The following ERBB4 variants were observed in gnomAD, a reference collection of about 807,000 sequenced individuals.
ERBB4 encodes erb-b2 receptor tyrosine kinase 4.
A neutral mutation model predicts 158.0 loss-of-function variants in ERBB4; 42 were observed. The observed-to-expected ratio is 0.27, with a 90% CI of 0.21 to 0.34. The LOEUF is 0.34. Ranked by LOEUF, ERBB4 falls within the 10% of genes least tolerant of loss-of-function variation. The pLI is 1.00. For missense variants in ERBB4, 1,333 were observed against 1,624.1 expected (o/e 0.82, Z 3.08); for synonymous variants, 583 against 558.7 (o/e 1.04, Z -0.61).
intron 1 of ERBB4, among the ~76,000 whole-genome samples, chr2:212,173,390 G>C (rs2081575834): frequency 6.6e-6 from 1 of 152,218 alleles, no homozygotes; most frequent in African/African-American, 2.4e-5. Flanking sequence ...CCAGGCTGAG[G>C]GAGTAGCAAA....
chr2:212,329,030 G>A (rs1477325911), intron 1 of ERBB4, among the ~76,000 whole-genome samples: 1 of 151,928 alleles, frequency 6.6e-6, no homozygotes, highest in Non-Finnish European at 1.5e-5. Context: ...CCATTTTAGT[G>A]AACATTTTGG....
chr2:212,530,610 A>G (rs1692700691), intron 1 of ERBB4, among the ~76,000 whole-genome samples: 1 of 152,186 alleles, frequency 6.6e-6, no homozygotes, highest in Non-Finnish European at 1.5e-5. Context: ...ATAGTCACAG[A>G]GCCTGGAGAA....
At chr2:211,428,219 A>C (rs1028822775) in intron 22 of ERBB4, among the ~76,000 whole-genome samples, 189 bp downstream of exon 22, 7 of 143,454 alleles carry the variant, frequency 4.9e-5, no homozygotes, top group African/African-American at 1.8e-4. Flanking sequence ...ACTTAAAATA[A>C]AATAAAATAA....
chr2:212,443,479 C>A (rs1048746050), intron 1 of ERBB4, among the ~76,000 whole-genome samples: 3 of 152,200 alleles, frequency 2.0e-5, no homozygotes, highest in Non-Finnish European at 4.4e-5. Flanking sequence ...AGTTGCTGCA[C>A]TTGGCCCCTC....
chr2:211,553,191 A>T (rs1373613134), intron 20 of ERBB4, among the ~76,000 whole-genome samples: 1 of 152,042 alleles, frequency 6.6e-6, no homozygotes, highest in Non-Finnish European at 1.5e-5. Context: ...CTGGTCTCGA[A>T]CTTCCGACCT....
chr2:211,482,628 G>A (rs562309009), intron 20 of ERBB4, among the ~76,000 whole-genome samples: 84 of 152,166 alleles, frequency 5.5e-4, no homozygotes, highest in African/African-American at 1.9e-3. Context: ...TAATCAGGCC[G>A]GGTGCAGTGG....
rs147458036 is a variant in ERBB4, at chr2:212,327,838, T to C, written c.83-202935A>G. Among the ~76,000 whole-genome samples, 477 of 137,066 alleles carry C rather than the reference T, an allele frequency of 3.5e-3. 6 individuals are homozygous for C. Among genetic ancestry groups the C allele is most frequent in the African/African-American group, 0.012 (445 of 37,164 alleles). 89.9% of individuals were successfully genotyped at this position (137,066 alleles called of 152,430 possible). On this transcript the variant is annotated intron_variant, in intron 1 of 27. Coordinates refer to ENST00000342788, the MANE Select transcript of ERBB4 (RefSeq NM_005235.3). ...TTGTACACTTAAAAAGCATAGATTT[T>C]ATATGTAAAGTATTCCTCCAAAAAG...
intron 3 of ERBB4, among the ~76,000 whole-genome samples, chr2:211,844,763 C>T (rs188969934): frequency 3.4e-4 from 51 of 152,092 alleles, no homozygotes; most frequent in Non-Finnish European, 8.8e-5. Context: ...CTTCAATATT[C>T]CAGAGTGACA....
At chr2:211,428,361 T>C (rs761925547) in intron 22 of ERBB4, 47 bp downstream of exon 22, 22 of 993,254 alleles carry the variant, frequency 2.2e-5, no homozygotes, top group South Asian at 3.8e-5. Flanking sequence ...ACTTAACATA[T>C]GTATTTTTGC....
At chr2:211,980,953 G>C (rs1246759130) in intron 2 of ERBB4, among the ~76,000 whole-genome samples, 2 of 152,018 alleles carry the variant, frequency 1.3e-5, no homozygotes, top group African/African-American at 2.4e-5. Context: ...TGAAAGAACA[G>C]CAGGGAGCAG....
At chr2:212,493,292 A>T (rs1343791270) in intron 1 of ERBB4, among the ~76,000 whole-genome samples, 2 of 151,512 alleles carry the variant, frequency 1.3e-5, no homozygotes, top group African/African-American at 4.8e-5. Context: ...ACTAATTAAA[A>T]ATCATCTTAT....
At chr2:211,786,178 G>C (rs1434360511) in intron 4 of ERBB4, among the ~76,000 whole-genome samples, 1 of 152,144 alleles carries the variant, frequency 6.6e-6, no homozygotes, top group African/African-American at 2.4e-5. Flanking sequence ...ACTTGGTTGA[G>C]TGATTGGTTG....
At chr2:212,527,072 A>G (rs2106330936) in intron 1 of ERBB4, among the ~76,000 whole-genome samples, 1 of 152,154 alleles carries the variant, frequency 6.6e-6, no homozygotes, top group South Asian at 2.1e-4. Flanking sequence ...TAAGACCTTA[A>G]TAATATAGCT....
chr2:212,054,569 T>A (rs565539811), intron 2 of ERBB4, among the ~76,000 whole-genome samples: 1 of 152,318 alleles, frequency 6.6e-6, no homozygotes, highest in South Asian at 2.1e-4. Context: ...ATGTGGTTTC[T>A]TCTAGCAGGT....
chr2:211,788,369 A>C (rs1559520106), intron 3 of ERBB4, among the ~76,000 whole-genome samples: 1 of 152,134 alleles, frequency 6.6e-6, no homozygotes, highest in Non-Finnish European at 1.5e-5. Context: ...AGTGAAAAAC[A>C]ACCACTCATA....
chr2:211,936,258 A>G (rs2080319033), intron 3 of ERBB4, among the ~76,000 whole-genome samples: 1 of 152,052 alleles, frequency 6.6e-6, no homozygotes, highest in African/African-American at 2.4e-5. Context: ...TAAAACTTGA[A>G]GTCCTTCTAT....
chr2:212,141,862 A>C (rs2125606939), intron 1 of ERBB4, among the ~76,000 whole-genome samples: 1 of 152,280 alleles, frequency 6.6e-6, no homozygotes. Context: ...CAGATATAAA[A>C]CAATTTTACA....
chr2:212,439,098 AAC>A (rs1218066266), intron 1 of ERBB4, among the ~76,000 whole-genome samples: 1 of 152,160 alleles, frequency 6.6e-6, no homozygotes, highest in East Asian at 1.9e-4. Context: ...CTTTGAAAGG[AAC>A]ACACTTTCAA....
At chr2:212,449,746 C>A (rs908945948) in intron 1 of ERBB4, among the ~76,000 whole-genome samples, 1 of 152,068 alleles carries the variant, frequency 6.6e-6, no homozygotes, top group Non-Finnish European at 1.5e-5. Context: ...TGAAAAATGA[C>A]ATTCATAGGT....
Sources: allele counts gnomAD v4.1 joint callset (sites outside exome capture counted in the v4.1 genomes callset), GRCh38; gene constraint gnomAD v4.1.1; transcripts MANE v1.5; gene names NCBI Gene and HGNC (gene_info 2026-07-23, HGNC 2026-07-21).